DDX4: variants seen among roughly 807,000 people sequenced by gnomAD.
DDX4 encodes probable ATP-dependent RNA helicase DDX4.
A neutral mutation model predicts 100.0 loss-of-function variants in DDX4; 25 were observed. The ratio of observed to expected loss-of-function variants is 0.25; its 90% CI spans 0.18 to 0.35. DDX4 has a LOEUF of 0.35. Ranked by LOEUF, DDX4 falls within the 10% of genes least tolerant of loss-of-function variation. The pLI is 1.00. For synonymous variants in DDX4, 259 were observed against 275.7 expected, an observed-to-expected ratio of 0.94 and a Z score of 0.60; for missense variants, 635 against 882.4, an observed-to-expected ratio of 0.72 and a Z score of 3.55.
intron 7 of DDX4, among the ~76,000 whole-genome samples, chr5:55,774,995 T>C (rs934071047): frequency 1.3e-5 from 2 of 152,214 alleles, no homozygotes; most frequent in African/African-American, 4.8e-5. Context: ...ATAGAAACTT[T>C]GTATTCCGTT....
intron 17 of DDX4, among the ~76,000 whole-genome samples, chr5:55,794,141 C>T (rs1306637388): frequency 1.3e-5 from 2 of 151,148 alleles, no homozygotes; most frequent in Non-Finnish European, 2.9e-5. Context: ...CTTAGTGGTA[C>T]ATAAAACAAT....
chr5:55,743,115 A>T (rs572393880), intron 2 of DDX4, among the ~76,000 whole-genome samples: 1 of 152,186 alleles, frequency 6.6e-6, no homozygotes, highest in Non-Finnish European at 1.5e-5. Context: ...AGCAACATAA[A>T]TTTATTCTCA....
chr5:55,763,743 G>C lies in DDX4; in HGVS notation c.284-271G>C, dbSNP rs79591259. 1.2e-3 allele frequency among the ~76,000 whole-genome samples: 180 copies of C among 152,232 alleles called. 3 individuals are homozygous for C. The East Asian group carries it at 0.033, about 28-fold the overall frequency. On this transcript the variant is annotated intron_variant, in intron 5 of 21. Transcript: ENST00000505374. ...AGTGGTTACACTGACATATTCCTCT[G>C]TTTTGCCCATGTGCATACAGAGGAG...
chr5:55,784,760 T>C (rs1185447033), intron 10 of DDX4, among the ~76,000 whole-genome samples: 2 of 152,224 alleles, frequency 1.3e-5, no homozygotes, highest in African/African-American at 2.4e-5. Context: ...TCTAATACTC[T>C]TCTCTGGTAG....
At chr5:55,775,964 T>TA (rs1741536086) in intron 7 of DDX4, among the ~76,000 whole-genome samples, 3 of 152,076 alleles carry the variant, frequency 2.0e-5, no homozygotes, top group Non-Finnish European at 4.4e-5. Context: ...CTACTAAAAA[T>TA]ACAAAAATTA....
intron 2 of DDX4, among the ~76,000 whole-genome samples, chr5:55,740,499 A>G (rs1758916651): frequency 6.8e-6 from 1 of 147,370 alleles, no homozygotes; most frequent in Non-Finnish European, 1.5e-5. Flanking sequence ...ATGATAGTAT[A>G]TAACAGTAAT....
intron 7 of DDX4, among the ~76,000 whole-genome samples, chr5:55,777,135 G>C (rs570941260): frequency 7.9e-5 from 12 of 152,148 alleles, no homozygotes; most frequent in African/African-American, 2.9e-4. Flanking sequence ...CTAAATATTC[G>C]TGGTGAAAAT....
Position 55,787,830 on chromosome 5 carries a change from G to C in DDX4, c.1018-16G>C. 1 of 1,609,850 alleles carries C rather than the reference G, an allele frequency of 6.2e-7. No homozygotes were observed. Among genetic ancestry groups the C allele is most frequent in the Non-Finnish European group, 8.5e-7 (1 of 1,178,504 alleles). ...GTTGTGCTATAAGTTTGTAAACTAA[G>C]CAACTTAACTTCTAGGCGGCTTTTC... On this transcript the variant is annotated splice_polypyrimidine_tract_variant and intron_variant, in intron 14 of 21. Transcript: ENST00000505374.
intron 17 of DDX4, among the ~76,000 whole-genome samples, chr5:55,793,061 TG>T (rs1280891177): frequency 6.8e-6 from 1 of 147,788 alleles, no homozygotes; most frequent in Non-Finnish European, 1.5e-5. Context: ...TGTGTTTGTG[TG>T]TGTTGTTGTT....
At chr5:55,801,217 T>TGTG (rs375427760) in intron 18 of DDX4, among the ~76,000 whole-genome samples, 3 of 143,630 alleles carry the variant, frequency 2.1e-5, no homozygotes, top group Non-Finnish European at 3.0e-5. Flanking sequence ...GATGGGGTGT[T>TGTG]TTTTTTTTTT....
At chr5:55,760,041 C>T (rs1320091601) in intron 3 of DDX4, among the ~76,000 whole-genome samples, 159 bp from the exon 4 acceptor site, 1 of 150,744 alleles carries the variant, frequency 6.6e-6, no homozygotes, top group African/African-American at 2.4e-5. Flanking sequence ...ACTGTCTATT[C>T]ATGTAGCCAT....
At chr5:55,799,976 G>T (rs1743196429) in intron 18 of DDX4, among the ~76,000 whole-genome samples, 1 of 152,048 alleles carries the variant, frequency 6.6e-6, no homozygotes, top group Non-Finnish European at 1.5e-5. Flanking sequence ...TCTTTAATTT[G>T]TCCTAAGTTT....
intron 7 of DDX4, chr5:55,772,932 G>C (rs971595742): frequency 6.6e-6 from 1 of 152,086 alleles, no homozygotes; most frequent in African/African-American, 2.4e-5. Context: ...CCTCAAGATT[G>C]CCTGTTATTT....
chr5:55,766,438 GTTT>G (rs1054625390), intron 6 of DDX4, among the ~76,000 whole-genome samples: 3 of 117,160 alleles, frequency 2.6e-5, no homozygotes, highest in African/African-American at 6.2e-5. Context: ...TAGTAGTTTT[GTTT>G]TTTTTTTTTT....
At chr5:55,756,370 A>G (rs1297179707) in intron 3 of DDX4, among the ~76,000 whole-genome samples, 5 of 152,168 alleles carry the variant, frequency 3.3e-5, no homozygotes, top group African/African-American at 1.2e-4. Flanking sequence ...CTCTATTTGG[A>G]AGACTTGACA....
intron 18 of DDX4, among the ~76,000 whole-genome samples, chr5:55,804,487 ATT>A (rs1227084125): frequency 1.3e-5 from 2 of 152,138 alleles, no homozygotes; most frequent in Non-Finnish European, 1.5e-5. Flanking sequence ...TCCATCTTGA[ATT>A]GATTTTTGTA....
Position 55,816,654 on chromosome 5 carries a change from T to G in DDX4, c.*114T>G. The G allele has an allele frequency of 6.7e-7, 1 of 1,490,790 alleles. No homozygotes were observed. Among genetic ancestry groups the G allele is most frequent in the Non-Finnish European group, 8.9e-7 (1 of 1,118,152 alleles). The allele number at this position is 1,490,790 out of a possible 1,614,324, so 92.3% of individuals were successfully genotyped here. On this transcript the variant is annotated 3_prime_UTR_variant, in exon 22 of 22. Transcript: ENST00000505374. The stretch of plus-strand genomic sequence containing the variant: ...CATTCTCATAGCTCCTGTCCTTGTA[T>G]TCTCACTCCTACACTTAAAAAAAAA...
At chr5:55,743,796 C>T (rs1759108165) in intron 2 of DDX4, among the ~76,000 whole-genome samples, 1 of 151,550 alleles carries the variant, frequency 6.6e-6, no homozygotes, top group East Asian at 1.9e-4. Context: ...CAAAATTCAT[C>T]TTGGAATTTG....
chr5:55,762,427 T>C (rs1272586846), intron 4 of DDX4, among the ~76,000 whole-genome samples: 2 of 152,200 alleles, frequency 1.3e-5, no homozygotes, highest in African/African-American at 2.4e-5. Context: ...GGATAAATTA[T>C]GACTGGAGGG....
Sources: gnomAD v4.1 joint callset for allele counts (sites outside exome capture counted in the v4.1 genomes callset) on GRCh38, gnomAD v4.1.1 for gene constraint, MANE v1.5 for transcripts, NCBI Gene and HGNC (gene_info 2026-07-23, HGNC 2026-07-21) for gene names.